The following HMBOX1 variants were observed in gnomAD, a reference collection of about 807,000 sequenced individuals.
The protein encoded by HMBOX1 is homeobox-containing protein 1.
Under a neutral mutation model 54.5 loss-of-function variants are expected in HMBOX1, and 14 were observed. The observed-to-expected ratio is 0.26, with a 90% CI of 0.17 to 0.40. HMBOX1 has a LOEUF of 0.40. Ranked by LOEUF, HMBOX1 falls within the 10% of genes least tolerant of loss-of-function variation. HMBOX1 has a pLI of 1.00. For missense variants in HMBOX1, 332 were observed against 514.4 expected (o/e 0.65, Z 3.43); for synonymous variants, 160 against 181.0 (o/e 0.88, Z 0.93).
chr8:28,907,282 A>G (rs1237893763), intron 1 of HMBOX1, among the ~76,000 whole-genome samples: 1 of 152,150 alleles, frequency 6.6e-6, no homozygotes, highest in Non-Finnish European at 1.5e-5. Context: ...CCAATAGGGA[A>G]ATGAAGGGAG....
At chr8:28,922,306 G>A (rs1038256285) in intron 1 of HMBOX1, among the ~76,000 whole-genome samples, 8 of 152,152 alleles carry the variant, frequency 5.3e-5, no homozygotes, top group African/African-American at 1.4e-4. Flanking sequence ...CAAATGCTAC[G>A]CTATTTTACA....
chr8:28,942,845 A>T (rs1821697766), intron 1 of HMBOX1, among the ~76,000 whole-genome samples: 1 of 152,196 alleles, frequency 6.6e-6, no homozygotes, highest in Non-Finnish European at 1.5e-5. Context: ...TATTTTGCTT[A>T]TGAGTGTATC....
At chr8:28,914,044 T>G (rs1170244567) in intron 1 of HMBOX1, among the ~76,000 whole-genome samples, 1 of 151,936 alleles carries the variant, frequency 6.6e-6, no homozygotes, top group African/African-American at 2.4e-5. Context: ...CTAATTTCTG[T>G]ATTTTTAGAG....
At chr8:28,956,836 A>G (rs1048755959) in intron 1 of HMBOX1, among the ~76,000 whole-genome samples, 6 of 152,244 alleles carry the variant, frequency 3.9e-5, no homozygotes, top group African/African-American at 7.2e-5. Context: ...TGGACAAAAG[A>G]CATGAGCAGA....
intron 5 of HMBOX1, among the ~76,000 whole-genome samples, chr8:29,016,175 C>T (rs896479351): frequency 6.6e-6 from 1 of 152,092 alleles, no homozygotes; most frequent in Non-Finnish European, 1.5e-5. Flanking sequence ...ATTAAGATCA[C>T]AAAGCACACT....
intron 1 of HMBOX1, among the ~76,000 whole-genome samples, chr8:28,955,511 A>G (rs1824259473): frequency 6.6e-6 from 1 of 152,168 alleles, no homozygotes; most frequent in South Asian, 2.1e-4. Flanking sequence ...ATAGCATTTT[A>G]TTTTTTACTC....
chr8:28,893,018 A>G (rs553995429), intron 1 of HMBOX1, among the ~76,000 whole-genome samples: 13 of 152,354 alleles, frequency 8.5e-5, no homozygotes, highest in Admixed American at 2.0e-4. Context: ...ATGTTTGTTA[A>G]TATTTTAAAT....
chr8:28,891,979 T>TTCCTTCCTTCCTATCCTCCC (rs1474998148), intron 1 of HMBOX1, among the ~76,000 whole-genome samples: 113 of 152,324 alleles, frequency 7.4e-4, no homozygotes, highest in Middle Eastern at 3.4e-3. Flanking sequence ...GGCTTCCCTC[T>TTCCTTCCTTCCTATCCTCCC]TCCTTCCTTC....
chr8:29,008,421 G>C (rs968046763), intron 4 of HMBOX1, among the ~76,000 whole-genome samples: 3 of 152,134 alleles, frequency 2.0e-5, no homozygotes, highest in African/African-American at 7.2e-5. Context: ...TGGAAAGCTT[G>C]TGTTGGAAAA....
chr8:29,051,346 C>T lies in HMBOX1; in HGVS notation c.*191C>T. On this transcript the variant is annotated 3_prime_UTR_variant, in exon 10 of 10. Coordinates refer to ENST00000287701, the MANE Select transcript of HMBOX1 (RefSeq NM_001135726.3). ...GCATATACTCTCTCAGTATTAACTC[C>T]CAGTAAATAATAACCAACCAACCAA... is the stretch of plus-strand genomic sequence containing the variant. 1 of 639,652 alleles carries T rather than the reference C, an allele frequency of 1.6e-6. No homozygotes were observed. Among genetic ancestry groups the T allele is most frequent in the Non-Finnish European group, 2.7e-6 (1 of 370,676 alleles). The allele number at this position is 639,652 out of a possible 1,614,324, so 39.6% of individuals were successfully genotyped here.
chr8:28,969,220 T>A (rs1240936417), intron 2 of HMBOX1, among the ~76,000 whole-genome samples: 2 of 152,162 alleles, frequency 1.3e-5, no homozygotes, highest in African/African-American at 4.8e-5. Flanking sequence ...GCAGTGAGAA[T>A]TTTTATAGTA....
At chr8:28,957,625 A>G (rs1824713110) in intron 1 of HMBOX1, among the ~76,000 whole-genome samples, 1 of 151,980 alleles carries the variant, frequency 6.6e-6, no homozygotes, top group Non-Finnish European at 1.5e-5. Context: ...TATTTTTACT[A>G]TTGTTATTAT....
At chr8:29,009,266 T>G in intron 5 of HMBOX1, 84 bp downstream of exon 5, 1 of 1,203,086 alleles carries the variant, frequency 8.3e-7, no homozygotes, top group Admixed American at 1.9e-5. Context: ...TGCTAACTTG[T>G]TCAGTAAGAT....
chr8:29,023,284 TA>T (rs1043639260), intron 6 of HMBOX1, among the ~76,000 whole-genome samples: 1 of 151,964 alleles, frequency 6.6e-6, no homozygotes, highest in African/African-American at 2.4e-5. Flanking sequence ...TATCTTGATT[TA>T]AAAAAAACAG....
chr8:29,051,769 T>TTTTG lies in HMBOX1; in HGVS notation c.*619_*622dup, dbSNP rs1449487660. The TTTTG allele has an allele frequency of 5.2e-6, 3 of 580,828 alleles. No homozygotes were observed. The African/African-American group carries it at 5.5e-5, about 11-fold the overall frequency. The allele number at this position is 580,828 out of a possible 1,614,324, so 36.0% of individuals were successfully genotyped here. A position where few individuals can be genotyped will look rare whatever the true frequency, so the allele number is the denominator to read the frequency against. On this transcript the variant is annotated 3_prime_UTR_variant, in exon 10 of 10. Coordinates refer to ENST00000287701, the MANE Select transcript of HMBOX1 (RefSeq NM_001135726.3). ...GTCAATGGAAAAAGCCGATCTCAGA[T>TTTTG]TTTGTTTGAAGTTAACATGCCTGAC...
chr8:29,048,129 T>C (rs1805874808), intron 8 of HMBOX1, among the ~76,000 whole-genome samples: 1 of 152,154 alleles, frequency 6.6e-6, no homozygotes, highest in Non-Finnish European at 1.5e-5. Flanking sequence ...TACTGGACTA[T>C]GACTTAAATA....
chr8:29,048,258 A>G (rs1805902009), intron 8 of HMBOX1, among the ~76,000 whole-genome samples: 1 of 152,230 alleles, frequency 6.6e-6, no homozygotes, highest in Non-Finnish European at 1.5e-5. Flanking sequence ...TCATTTATGT[A>G]TATATACACA....
intron 6 of HMBOX1, among the ~76,000 whole-genome samples, chr8:29,032,659 G>T (rs1417281110): frequency 6.6e-6 from 1 of 152,166 alleles, no homozygotes; most frequent in Admixed American, 6.5e-5. Flanking sequence ...CAGTGGTGCA[G>T]TTTTTATGCT....
At chr8:29,025,040 G>A (rs909856335) in intron 6 of HMBOX1, among the ~76,000 whole-genome samples, 1 of 152,094 alleles carries the variant, frequency 6.6e-6, no homozygotes, top group Non-Finnish European at 1.5e-5. Context: ...GGAGAACACT[G>A]GAGTAGAGGA....
Sources: gnomAD v4.1 joint callset for allele counts (sites outside exome capture counted in the v4.1 genomes callset) on GRCh38, gnomAD v4.1.1 for gene constraint, MANE v1.5 for transcripts, NCBI Gene and HGNC (gene_info 2026-07-23, HGNC 2026-07-21) for gene names.